The following FGF13 variants were observed in gnomAD, a reference collection of about 807,000 sequenced individuals.
The protein encoded by FGF13 is fibroblast growth factor 13, also known as fibroblast growth factor homologous factor 2.
A neutral mutation model predicts 19.5 loss-of-function variants in FGF13; 2 were observed. That is an observed-to-expected ratio of 0.10 (90% confidence interval 0.04 to 0.32). FGF13 has a LOEUF of 0.32. FGF13 is among the 10% of genes least tolerant of loss of function. FGF13 has a pLI of 1.00. For missense variants in FGF13, 113 were observed against 192.7 expected, an observed-to-expected ratio of 0.59 and a Z score of 2.45; for synonymous variants, 72 against 76.9, an observed-to-expected ratio of 0.94 and a Z score of 0.33.
chrX:139,140,673 G>A (rs919317483), intron 1 of FGF13, among the ~76,000 whole-genome samples: 3 of 110,828 alleles, frequency 2.7e-5, no homozygotes, highest in African/African-American at 9.9e-5. Flanking sequence ...GTATGGGGGA[G>A]GGGAGATGGG....
At chrX:139,004,296 A>G (rs1013242191) in intron 1 of FGF13, among the ~76,000 whole-genome samples, 1 of 112,900 alleles carries the variant, frequency 8.9e-6, no homozygotes. Context: ...GCCCGGAGCC[A>G]GCAGGGCCGG....
chrX:138,932,554 A>T (rs923648877), intron 1 of FGF13, among the ~76,000 whole-genome samples: 5 of 110,459 alleles, frequency 4.5e-5, no homozygotes, highest in Admixed American at 1.9e-4. Context: ...GTGAGCTGAG[A>T]TCGCACCATT....
chrX:138,659,820 ACAC>A (rs2089472443), intron 3 of FGF13, among the ~76,000 whole-genome samples: 1 of 111,548 alleles, frequency 9.0e-6, no homozygotes, highest in African/African-American at 3.3e-5. Context: ...AGAAAACCAA[ACAC>A]CACAAGTTTT....
At position 138,656,336 on chromosome X, in the gene FGF13, G is replaced by A. The variant is rs1035163105; in HGVS notation, c.403-20681C>T. ...GAAATAGCTGACATTTATTCAACACGTATAGCATGTCAGTAATGTGTACAG... is the reference window on the plus strand; with the variant it reads ...GAAATAGCTGACATTTATTCAACACATATAGCATGTCAGTAATGTGTACAG... On this transcript the variant is annotated intron_variant, in intron 3 of 4. Coordinates refer to ENST00000315930, the MANE Select transcript of FGF13 (RefSeq NM_004114.5). Among the ~76,000 whole-genome samples the A allele has an allele frequency of 2.1e-4, 24 of 111,818 alleles. 1 individual carries two copies. The East Asian group carries it at 5.6e-3, about 26-fold the overall frequency.
At chrX:138,976,551 G>GGC in intron 1 of FGF13, among the ~76,000 whole-genome samples, 1 of 111,110 alleles carries the variant, frequency 9.0e-6, no homozygotes, top group Non-Finnish European at 1.9e-5. Flanking sequence ...TCAGAAGGGG[G>GGC]ATGGTAAAAG....
intron 3 of FGF13, among the ~76,000 whole-genome samples, chrX:138,779,744 G>C (rs1273994499): frequency 9.3e-6 from 1 of 108,060 alleles, no homozygotes; most frequent in Admixed American, 9.9e-5. Context: ...CACTCTGCAG[G>C]ATATTATCCA....
At chrX:138,723,971 C>T (rs894934141) in intron 1 of FGF13, among the ~76,000 whole-genome samples, 1 of 111,355 alleles carries the variant, frequency 9.0e-6, no homozygotes, top group African/African-American at 3.3e-5. Context: ...AAAATTAAGG[C>T]CCAGAGAAGT....
intron 1 of FGF13, among the ~76,000 whole-genome samples, chrX:138,966,963 C>G (rs1242909906): frequency 2.7e-5 from 3 of 111,321 alleles, no homozygotes; most frequent in Non-Finnish European, 5.7e-5. Context: ...TCATCATTCT[C>G]TCTCCTGTTG....
chrX:138,631,685 G>C lies in FGF13; in HGVS notation c.*1165C>G, dbSNP rs1062712. On this transcript the variant is annotated 3_prime_UTR_variant, in exon 5 of 5. Transcript: ENST00000315930. ...ACAGGACAGAAAACTGCCTGTACAT[G>C]CTATGTCCACTTTTGGAACACAGAT... 3 of 112,454 alleles carry C rather than the reference G, an allele frequency of 2.7e-5. No homozygotes were observed. Among genetic ancestry groups the C allele is most frequent in the Non-Finnish European group, 5.6e-5 (3 of 53,237 alleles). 9.3% of individuals were successfully genotyped at this position (112,454 alleles called of 1,213,427 possible). A position where few individuals can be genotyped will look rare whatever the true frequency, so the allele number is the denominator to read the frequency against.
intron 1 of FGF13, among the ~76,000 whole-genome samples, chrX:139,070,475 A>G (rs1422177488): frequency 8.9e-6 from 1 of 112,302 alleles, no homozygotes; most frequent in East Asian, 2.8e-4. Flanking sequence ...AATTCAGGAA[A>G]CAACAGAGGC....
intron 1 of FGF13, among the ~76,000 whole-genome samples, chrX:139,090,693 A>G (rs1462822990): frequency 9.0e-6 from 1 of 110,767 alleles, no homozygotes; most frequent in Non-Finnish European, 1.9e-5. Flanking sequence ...TAATCCCAAC[A>G]CTTTGGGAGG....
chrX:139,115,709 A>C (rs2083635155), intron 1 of FGF13, among the ~76,000 whole-genome samples: 1 of 112,628 alleles, frequency 8.9e-6, no homozygotes, highest in Non-Finnish European at 1.9e-5. Context: ...ACAAATTCTC[A>C]GGTCAAATAT....
intron 1 of FGF13, among the ~76,000 whole-genome samples, chrX:139,089,162 G>A (rs953483450): frequency 6.2e-5 from 7 of 112,112 alleles, no homozygotes; most frequent in Non-Finnish European, 1.9e-5. Context: ...GCACGCATGT[G>A]TGTTGGAGAG....
At chrX:138,900,567 G>A (rs749777016) in intron 1 of FGF13, among the ~76,000 whole-genome samples, 3 of 111,166 alleles carry the variant, frequency 2.7e-5, no homozygotes, top group Non-Finnish European at 5.7e-5. Flanking sequence ...CTACTCCTCT[G>A]CTAGATTCTA....
At chrX:139,204,766 C>T (rs774384096), upstream of FGF13, among the ~76,000 whole-genome samples, 6 of 113,304 alleles carry the variant, frequency 5.3e-5, no homozygotes, top group East Asian at 1.7e-3. Flanking sequence ...TGTTACACCG[C>T]AGAGTCGCGC....
At chrX:138,822,229 ATTTCTTACCT>A (rs1035715320) in intron 3 of FGF13, among the ~76,000 whole-genome samples, 1 of 112,227 alleles carries the variant, frequency 8.9e-6, no homozygotes, top group African/African-American at 3.2e-5. Context: ...AGTCAAAGCA[ATTTCTTACCT>A]TTACATTGTT....
chrX:138,880,639 A>G (rs778780652), intron 1 of FGF13, among the ~76,000 whole-genome samples: 4 of 112,047 alleles, frequency 3.6e-5, no homozygotes, highest in Non-Finnish European at 7.5e-5. Context: ...TATGGGTTCA[A>G]CTTGCATGTG....
At chrX:138,700,243 A>T (rs2124229155) in intron 3 of FGF13, among the ~76,000 whole-genome samples, 1 of 110,871 alleles carries the variant, frequency 9.0e-6, no homozygotes, top group African/African-American at 3.3e-5. Context: ...AATTTTTTTT[A>T]ACTTGCCCAC....
chrX:138,888,372 C>T (rs970136286), intron 1 of FGF13, among the ~76,000 whole-genome samples: 18 of 111,546 alleles, frequency 1.6e-4, no homozygotes, highest in African/African-American at 5.9e-4. Flanking sequence ...AAGAGACTAA[C>T]TTTCTTGTCT....
Sources: allele counts gnomAD v4.1 joint callset (sites outside exome capture counted in the v4.1 genomes callset), GRCh38; gene constraint gnomAD v4.1.1; transcripts MANE v1.5; gene names NCBI Gene and HGNC (gene_info 2026-07-23, HGNC 2026-07-21).